Variants in AMPD3 observed in about 807,000 individuals in gnomAD.
The protein encoded by AMPD3 is AMP deaminase 3.
AMPD3 carries 57 observed loss-of-function variants against 82.3 expected under a neutral mutation model. The ratio of observed to expected loss-of-function variants is 0.69; its 90% CI spans 0.56 to 0.86. The LOEUF is 0.86. Among genes scored for constraint, AMPD3 ranks in the 40% least tolerant of loss-of-function variants. The probability of loss-of-function intolerance (pLI) is 0.00; values close to 1 mark genes in which losing one functional copy is unlikely to be tolerated. For missense variants in AMPD3, 870 were observed against 1,003.8 expected (o/e 0.87, Z 1.80); for synonymous variants, 381 against 394.7 (o/e 0.97, Z 0.41).
rs1260692672 is a variant in AMPD3 at position 10,505,792 on chromosome 11, C to T, written c.2212C>T (p.Arg738Trp). Reference protein sequence around the residue: ...DIRKTNVAQIRMAFRYETLCN... With the variant: ...DIRKTNVAQIWMAFRYETLCN... Reference sequence around the variant, plus strand: ...TCGAAAGACAAATGTGGCTCAGATCCGGATGGCATTCCGATATGAGACCTT... The same window carrying T: ...TCGAAAGACAAATGTGGCTCAGATCTGGATGGCATTCCGATATGAGACCTT... Residue 738 changes from arginine (R) to tryptophan (W), a missense_variant, in exon 15 of 15, where the codon CGG becomes TGG. Transcript: ENST00000396553. 22 of 1,614,010 alleles carry T rather than the reference C, an allele frequency of 1.4e-5. No individual in the cohort carries two copies. Among genetic ancestry groups the T allele is most frequent in the African/African-American group, 2.7e-5 (2 of 74,918 alleles).
chr11:10,481,322 A>C (rs370912901), intron 3 of AMPD3: 2 of 484,106 alleles, frequency 4.1e-6, no homozygotes, highest in Non-Finnish European at 5.4e-6. Context: ...TCTGAAGGAC[A>C]CATGAATTTT....
Position 10,456,383 on chromosome 11 carries a change from A to C in AMPD3, c.-6+935A>C, listed in dbSNP as rs775284330. 6.2e-7 allele frequency: 1 copy of C among 1,613,782 alleles called. No individual in the cohort carries two copies. The highest frequency in any genetic ancestry group is 8.5e-7 in the Non-Finnish European group (1 of 1,179,712). On this transcript the variant is annotated intron_variant, in intron 1 of 14. Transcript: ENST00000396553. The surrounding 1 kb of genome is among the most constrained non-coding windows in gnomAD (Gnocchi z 4.3). ...TCACTTGAGTGGCATCTTCAGGACCAGTCATGGAGCCAGGCTCAGGTCTGT... is the reference window on the plus strand; with the variant it reads ...TCACTTGAGTGGCATCTTCAGGACCCGTCATGGAGCCAGGCTCAGGTCTGT...
At chr11:10,499,657 C>G in intron 10 of AMPD3, 2 of 985,400 alleles carry the variant, frequency 2.0e-6, no homozygotes, top group South Asian at 4.7e-5. Context: ...TTGAGCAGGG[C>G]TTGATGAGTG....
chr11:10,467,572 G>A (rs1005822213), intron 2 of AMPD3, among the ~76,000 whole-genome samples: 3 of 152,112 alleles, frequency 2.0e-5, no homozygotes, highest in Non-Finnish European at 4.4e-5. Context: ...GGGGAGAATC[G>A]AAACAAGTGG....
At chr11:10,458,254 T>TAAAA (rs374036957) in intron 1 of AMPD3, among the ~76,000 whole-genome samples, 10,235 of 91,104 alleles carry the variant, frequency 0.11, 736 homozygotes, top group African/African-American at 0.13. Context: ...ACCTCATCTC[T>TAAAA]AAAAAAAAAA....
intron 2 of AMPD3, among the ~76,000 whole-genome samples, chr11:10,463,813 G>A (rs1311006997): frequency 6.6e-6 from 1 of 152,196 alleles, no homozygotes; most frequent in Non-Finnish European, 1.5e-5. Flanking sequence ...CCTAGGTTAT[G>A]GTGTCTTAGT....
chr11:10,487,227 A>T lies in AMPD3; in HGVS notation c.810-8A>T, dbSNP rs763887678. 1.9e-6 allele frequency: 3 copies of T among 1,613,892 alleles called. No homozygotes were observed. The highest frequency in any genetic ancestry group is 2.5e-6 in the Non-Finnish European group (3 of 1,179,982). On this transcript the variant is annotated splice_polypyrimidine_tract_variant and splice_region_variant and intron_variant, in intron 5 of 14. Transcript: ENST00000396553. ...CAACTATGGTCTCTCCCCATCTCCA[A>T]CTTGCAGGAAAACCTATTGTCACCG...
upstream of AMPD3, chr11:10,450,592 G>C: frequency 5.1e-6 from 5 of 989,136 alleles, no homozygotes; most frequent in Non-Finnish European, 6.0e-6. Flanking sequence ...AGCCCGGCTG[G>C]CATCTGCTCC....
At chr11:10,498,986 G>A (rs1362071503) in intron 10 of AMPD3, among the ~76,000 whole-genome samples, 1 of 152,174 alleles carries the variant, frequency 6.6e-6, no homozygotes, top group Non-Finnish European at 1.5e-5. Flanking sequence ...AACTGCAGTG[G>A]AAGGGTGGGG....
In AMPD3 at chr11:10,456,852, C is replaced by T. The variant is rs1240581941; in HGVS notation, c.-6+1404C>T. On this transcript the variant is annotated intron_variant, in intron 1 of 14. Transcript: ENST00000396553. This position sits in a 1 kb window ranked among gnomAD's most constrained non-coding sequence, Gnocchi z 4.3. ...GGGTTGGCAGGTGGGAGCTGTCTGC[C>T]AAGGACATCCAGAAGGCAGCAGATG... 1.3e-5 allele frequency among the ~76,000 whole-genome samples: 2 copies of T among 152,170 alleles called. No individual in the cohort carries two copies. The highest frequency in any genetic ancestry group is 2.9e-5 in the Non-Finnish European group (2 of 68,024).
intron 8 of AMPD3, chr11:10,495,278 T>C (rs780588196): frequency 6.1e-6 from 6 of 985,350 alleles, no homozygotes; most frequent in Non-Finnish European, 7.2e-6. Flanking sequence ...GCACCTGGCC[T>C]GGCTTTCGTG....
chr11:10,493,205 G>A (rs951235030), intron 6 of AMPD3, 144 bp from the exon 7 acceptor site: 1 of 913,940 alleles, frequency 1.1e-6, no homozygotes, highest in South Asian at 1.3e-5. Flanking sequence ...GAGGAGAAAT[G>A]GGGGGTGGGA....
intron 7 of AMPD3, 85 bp from the exon 8 acceptor site, chr11:10,494,814 A>G (rs1849342390): frequency 2.5e-6 from 4 of 1,584,498 alleles, no homozygotes; most frequent in Admixed American, 1.7e-5. Flanking sequence ...GGCCATACAG[A>G]AGGCCGCCTC....
At chr11:10,480,630 A>G (rs1848876606) in intron 3 of AMPD3, among the ~76,000 whole-genome samples, 1 of 151,124 alleles carries the variant, frequency 6.6e-6, no homozygotes, top group Non-Finnish European at 1.5e-5. Context: ...AGGAGAGTAG[A>G]GTTTTAGCTG....
chr11:10,484,634 G>T (rs1434971845), intron 4 of AMPD3, 186 bp from the exon 5 acceptor site: 1 of 639,740 alleles, frequency 1.6e-6, no homozygotes, highest in Non-Finnish European at 1.9e-6. Flanking sequence ...ATAAAGAAGT[G>T]ACATGGTTTG....
upstream of AMPD3, among the ~76,000 whole-genome samples, chr11:10,454,178 G>T (rs1848029796): frequency 6.6e-6 from 1 of 152,200 alleles, no homozygotes. Flanking sequence ...TTCTGGGACA[G>T]AACTGTATTT....
chr11:10,500,821 A>G, intron 11 of AMPD3: 1 of 985,444 alleles, frequency 1.0e-6, no homozygotes, highest in Non-Finnish European at 1.2e-6. Flanking sequence ...ACACGTGGCC[A>G]GGAGTTAGCT....
chr11:10,475,364 G>A (rs553193497), intron 2 of AMPD3, among the ~76,000 whole-genome samples: 2 of 152,178 alleles, frequency 1.3e-5, no homozygotes, highest in East Asian at 3.9e-4. Flanking sequence ...CAACACCGGG[G>A]ATTAACATTT....
intron 3 of AMPD3, chr11:10,481,409 A>T (rs1848900571): frequency 1.0e-6 from 1 of 985,080 alleles, no homozygotes; most frequent in Non-Finnish European, 1.2e-6. Flanking sequence ...CTGGTACAAA[A>T]ACAGACTTTT....
Sources: allele counts gnomAD v4.1 joint callset (sites outside exome capture counted in the v4.1 genomes callset), GRCh38; gene constraint gnomAD v4.1.1; non-coding constraint Gnocchi (gnomAD v3.1); transcripts MANE v1.5; gene names NCBI Gene and HGNC (gene_info 2026-07-23, HGNC 2026-07-21).